Variants in CES5A observed in about 807,000 individuals in gnomAD.
The protein encoded by CES5A is carboxylesterase 5.
In CES5A, 67 loss-of-function variants were observed where a neutral mutation model predicts 62.9. That is an observed-to-expected ratio of 1.07 (90% CI 0.88 to 1.31). The LOEUF (loss-of-function observed/expected upper bound fraction) is 1.31. Ranked by LOEUF, CES5A falls within the 50% of genes most tolerant of loss-of-function variation. CES5A has a pLI of 0.00. For synonymous variants in CES5A, 296 were observed against 280.8 expected (o/e 1.05, Z -0.54); for missense variants, 748 against 708.5 (o/e 1.06, Z -0.63).
chr16:55,945,052 TG>T (rs2034480114), intron 2 of CES5A, among the ~76,000 whole-genome samples: 1 of 152,186 alleles, frequency 6.6e-6, no homozygotes. Context: ...CATTTTAAAA[TG>T]GGGTTAATAA....
At chr16:55,866,980 C>T (rs190040319) in intron 4 of CES5A, among the ~76,000 whole-genome samples, 222 of 152,310 alleles carry the variant, frequency 1.5e-3, no homozygotes, top group African/African-American at 4.7e-3. Context: ...GCTGGGTTTT[C>T]TCCCTTTGCT....
At position 55,861,479 on chromosome 16, in the gene CES5A, G is replaced by T. The variant is rs756076428; in HGVS notation, c.848C>A (p.Ser283Ter). 9 of 1,613,936 alleles carry T rather than the reference G, an allele frequency of 5.6e-6. No individual in the cohort carries two copies. The highest frequency in any genetic ancestry group is 6.8e-6 in the Non-Finnish European group (8 of 1,179,802). ...VVAHFCGNNA[S>*]DSEALLRCLR... ...GCACCTCAGCAGGGCCTCAGAGTCTGACGCATTGTTACCACAGAAATGTGC... is the reference window on the plus strand; with the variant it reads ...GCACCTCAGCAGGGCCTCAGAGTCTTACGCATTGTTACCACAGAAATGTGC... Residue 283 changes from serine to a stop codon, truncating the protein, a stop_gained, in exon 7 of 13, where the codon TCA becomes TAA. Transcript: ENST00000290567. LOFTEE classifies it high-confidence loss of function.
At chr16:55,880,170 G>A (rs1425514649), upstream of CES5A, among the ~76,000 whole-genome samples, 2 of 152,162 alleles carry the variant, frequency 1.3e-5, no homozygotes, top group African/African-American at 4.8e-5. Flanking sequence ...TGGCTGCAGT[G>A]GACAGTAGTG....
At chr16:55,911,492 T>G (rs1463390982) in intron 1 of CES5A, among the ~76,000 whole-genome samples, 1 of 152,108 alleles carries the variant, frequency 6.6e-6, no homozygotes, top group Non-Finnish European at 1.5e-5. Context: ...AAAACAAAGG[T>G]GCATGTCTTT....
chr16:55,865,274 TATATAGATATAG>T (rs532737820), intron 5 of CES5A, among the ~76,000 whole-genome samples: 1 of 152,166 alleles, frequency 6.6e-6, no homozygotes, highest in African/African-American at 2.4e-5. Context: ...ACTATACAAA[TATATAGATATAG>T]ATATAGATAT....
chr16:55,936,276 G>A (rs2034374080), intron 2 of CES5A, among the ~76,000 whole-genome samples: 1 of 152,154 alleles, frequency 6.6e-6, no homozygotes, highest in Admixed American at 6.5e-5. Context: ...TTCATAAAGA[G>A]ACCTGGGGTT....
chr16:55,924,619 C>G (rs1177266445), intron 1 of CES5A, among the ~76,000 whole-genome samples: 1 of 151,924 alleles, frequency 6.6e-6, no homozygotes, highest in Non-Finnish European at 1.5e-5. Flanking sequence ...CCAAAGCAAT[C>G]CTGAGCAAAA....
At chr16:55,913,356 G>C (rs1597147655) in intron 1 of CES5A, among the ~76,000 whole-genome samples, 1 of 152,244 alleles carries the variant, frequency 6.6e-6, no homozygotes, top group East Asian at 1.9e-4. Context: ...TCAAGCACTG[G>C]TCTTAGGGTT....
intron 1 of CES5A, among the ~76,000 whole-genome samples, chr16:55,922,396 A>G (rs1460449638): frequency 6.6e-6 from 1 of 151,948 alleles, no homozygotes; most frequent in Non-Finnish European, 1.5e-5. Context: ...AAGTAGTTAT[A>G]CTTATATGAG....
chr16:55,869,637 G>C lies in CES5A; in HGVS notation c.525C>G (p.Tyr175Ter). 6.2e-7 allele frequency: 1 copy of C among 1,613,882 alleles called. No homozygotes were observed. Among genetic ancestry groups the C allele is most frequent in the South Asian group, 1.1e-5 (1 of 90,986 alleles). The change falls in exon 4 of 13, where the codon TAC (tyrosine) becomes TAG (stop). Residue 175 changes from tyrosine to a stop codon, truncating the protein, a stop_gained. Transcript: ENST00000290567. LOFTEE classifies it high-confidence loss of function. ...YEDVLVVVVQ[Y>*]RLGIFGFFTT... ...TGAAGAAACCAAATATTCCTAGCCG[G>C]TACTGGACGACCACAACCAGCACGT...
intron 8 of CES5A, among the ~76,000 whole-genome samples, chr16:55,857,438 T>C (rs1361898599): frequency 6.6e-6 from 1 of 152,202 alleles, no homozygotes; most frequent in Non-Finnish European, 1.5e-5. Flanking sequence ...ATTTTCTTGG[T>C]ATGTTTTCTG....
intron 2 of CES5A, among the ~76,000 whole-genome samples, chr16:55,940,999 C>T (rs1455426484): frequency 6.6e-6 from 1 of 151,528 alleles, no homozygotes; most frequent in Non-Finnish European, 1.5e-5. Context: ...AAGAAAACAT[C>T]CTCAATCTGA....
intron 2 of CES5A, among the ~76,000 whole-genome samples, chr16:55,935,500 C>G (rs1391015037): frequency 6.6e-6 from 1 of 152,176 alleles, no homozygotes; most frequent in Non-Finnish European, 1.5e-5. Flanking sequence ...TATCTGGGCA[C>G]CCCATGGCCC....
In CES5A at chr16:55,889,570, G is replaced by A. The variant is rs74019322; in HGVS notation, c.-255-15533C>T. Among the ~76,000 whole-genome samples the A allele has an allele frequency of 3.1e-3, 479 of 152,198 alleles. 3 individuals are homozygous for A. Among genetic ancestry groups the A allele is most frequent in the African/African-American group, 9.0e-3 (372 of 41,532 alleles). On this transcript the variant is annotated intron_variant, in intron 1 of 12. Transcript: ENST00000518005. ...AGGTATCTGGGAAGGGGCATAGAGC[G>A]TCTATGCCCTCTCTGGTAGGCCACC...
At chr16:55,925,977 G>A (rs2034254036), upstream of CES5A, among the ~76,000 whole-genome samples, 2 of 152,126 alleles carry the variant, frequency 1.3e-5, no homozygotes, top group South Asian at 4.1e-4. Context: ...GGGTAGAGAG[G>A]AGGGGAAGAA....
In CES5A at chr16:55,893,389, A is replaced by C. The variant is rs185187032; in HGVS notation, c.-255-19352T>G. Among the ~76,000 whole-genome samples the C allele has an allele frequency of 5.3e-4, 80 of 152,330 alleles. 3 individuals are homozygous for C. In the East Asian group the frequency reaches 0.012, roughly 23 times the overall value. On this transcript the variant is annotated intron_variant, in intron 1 of 12. Coordinates refer to the CES5A transcript ENST00000518005. Reference sequence around the variant, plus strand: ...TCAAAAGACAAGTAAGGTCAATAGAATCAGTTCCCATAAATGACAAAAATA... The same window carrying C: ...TCAAAAGACAAGTAAGGTCAATAGACTCAGTTCCCATAAATGACAAAAATA...
intron 1 of CES5A, among the ~76,000 whole-genome samples, chr16:55,885,255 T>C (rs1205439655): frequency 2.6e-5 from 4 of 152,166 alleles, no homozygotes; most frequent in African/African-American, 9.7e-5. Context: ...AATTGAGCCA[T>C]CACCTTGTGC....
intron 6 of CES5A, among the ~76,000 whole-genome samples, chr16:55,862,840 C>T (rs2033380528): frequency 6.6e-6 from 1 of 152,116 alleles, no homozygotes. Context: ...CAGAGAGATC[C>T]TGGTCTCTAG....
intron 5 of CES5A, among the ~76,000 whole-genome samples, chr16:55,865,486 G>T (rs1458677982): frequency 6.6e-6 from 1 of 152,172 alleles, no homozygotes; most frequent in Non-Finnish European, 1.5e-5. Flanking sequence ...TTTGCAGGTG[G>T]TTTATGCAAG....
Sources: gnomAD v4.1 joint callset for allele counts (sites outside exome capture counted in the v4.1 genomes callset) on GRCh38, gnomAD v4.1.1 for gene constraint, MANE v1.5 for transcripts, NCBI Gene and HGNC (gene_info 2026-07-23, HGNC 2026-07-21) for gene names.